RBM20: variants seen among roughly 807,000 people sequenced by gnomAD.
The protein encoded by RBM20 is RNA binding motif protein 20.
RBM20 carries 51 observed loss-of-function variants against 110.1 expected under a neutral mutation model. The observed-to-expected ratio is 0.46, with a 90% CI of 0.37 to 0.59. The LOEUF is 0.59. Ranked by LOEUF, RBM20 falls within the 20% of genes least tolerant of loss-of-function variation. The pLI, the probability that RBM20 is intolerant of heterozygous loss-of-function variation, is 0.00. For missense variants in RBM20, 1,512 were observed against 1,574.9 expected (o/e 0.96, Z 0.68); for synonymous variants, 589 against 618.2 (o/e 0.95, Z 0.70).
intron 3 of RBM20, 121 bp downstream of exon 3, chr10:110,783,548 G>A (rs1844381285): frequency 1.4e-6 from 1 of 702,888 alleles, no homozygotes; most frequent in Non-Finnish European, 2.4e-6. Context: ...AACAGGCAAA[G>A]TTCCTGCCCT....
intron 1 of RBM20, 64 bp from the exon 2 acceptor site, chr10:110,780,737 A>G: frequency 6.9e-7 from 1 of 1,451,860 alleles, no homozygotes; most frequent in Non-Finnish European, 9.1e-7. Context: ...CAGATAACAA[A>G]GAACAGCCCC....
intron 1 of RBM20, among the ~76,000 whole-genome samples, chr10:110,708,360 TG>T (rs749238755): frequency 6.6e-6 from 1 of 152,248 alleles, no homozygotes; most frequent in South Asian, 2.1e-4. Flanking sequence ...TTTATCAGAT[TG>T]TTTTTTTCTG....
intron 4 of RBM20, 114 bp downstream of exon 4, chr10:110,784,546 A>G (rs1844396746): frequency 2.4e-6 from 2 of 842,686 alleles, no homozygotes; most frequent in Non-Finnish European, 2.0e-6. Flanking sequence ...TCACGGATGT[A>G]GAAAGCAAAC....
chr10:110,665,420 T>C (rs12358914), intron 1 of RBM20, among the ~76,000 whole-genome samples: 32,219 of 152,094 alleles, frequency 0.21, 3,497 homozygotes, highest in East Asian at 0.29. Context: ...ATACAAGGGA[T>C]GCAGGAACAT....
chr10:110,784,578 C>A (rs1564845388), intron 4 of RBM20, 146 bp downstream of exon 4: 1 of 733,410 alleles, frequency 1.4e-6, no homozygotes, highest in Non-Finnish European at 2.4e-6. Context: ...CACTAAAATG[C>A]ATTGGGCCTG....
At chr10:110,701,388 A>G (rs1862756092) in intron 1 of RBM20, among the ~76,000 whole-genome samples, 2 of 152,020 alleles carry the variant, frequency 1.3e-5, no homozygotes, top group Admixed American at 6.6e-5. Flanking sequence ...ACTCCCTGGT[A>G]CTGATTCTCC....
chr10:110,722,413 A>G (rs1843519162), intron 1 of RBM20, among the ~76,000 whole-genome samples: 1 of 152,016 alleles, frequency 6.6e-6, no homozygotes, highest in East Asian at 1.9e-4. Context: ...AACCTGCATG[A>G]AGCATTGTGA....
chr10:110,645,070 C>G (rs537354299), intron 1 of RBM20, among the ~76,000 whole-genome samples: 2 of 152,220 alleles, frequency 1.3e-5, no homozygotes, highest in African/African-American at 4.8e-5. Context: ...TCATGGTGCC[C>G]CTGAAACCAA....
At chr10:110,698,211 G>T (rs1862697287) in intron 1 of RBM20, among the ~76,000 whole-genome samples, 1 of 151,794 alleles carries the variant, frequency 6.6e-6, no homozygotes, top group South Asian at 2.1e-4. Flanking sequence ...CCCGGCCCTT[G>T]TTTCTTATAT....
intron 7 of RBM20, among the ~76,000 whole-genome samples, chr10:110,806,116 A>G (rs1844691002): frequency 6.6e-6 from 1 of 151,980 alleles, no homozygotes; most frequent in Non-Finnish European, 1.5e-5. Context: ...AAAAATACAA[A>G]AATTAGCCAG....
chr10:110,644,672 C>G lies in RBM20; in HGVS notation c.191+27C>G. The G allele has an allele frequency of 2.1e-6, 3 of 1,442,116 alleles. No individual in the cohort carries two copies. Among genetic ancestry groups the G allele is most frequent in the Non-Finnish European group, 2.7e-6 (3 of 1,096,070 alleles). The allele number at this position is 1,442,116 out of a possible 1,614,324, so 89.3% of individuals were successfully genotyped here. A position where few individuals can be genotyped will look rare whatever the true frequency, so the allele number is the denominator to read the frequency against. ...TAAGAAGGGAGAAGGGAACAGGGAC[C>G]ACGGGTGCGCCTGGGGACACGCCCC... On this transcript the variant is annotated intron_variant, in intron 1 of 13. Coordinates refer to ENST00000369519, the MANE Select transcript of RBM20 (RefSeq NM_001134363.3). This position sits in a 1 kb window ranked among gnomAD's most constrained non-coding sequence, Gnocchi z 4.3.
intron 1 of RBM20, among the ~76,000 whole-genome samples, chr10:110,732,391 G>A (rs1843628699): frequency 6.6e-6 from 1 of 152,072 alleles, no homozygotes; most frequent in African/African-American, 2.4e-5. Flanking sequence ...CTTCCTCTCA[G>A]ATTCCTTTTA....
chr10:110,805,895 C>T lies in RBM20; in HGVS notation c.1801-4488C>T, dbSNP rs78273489. ...TGGATGTAAAGATAACAATGTCTGACGTTTGCTTCAAAATAATATAGGGGG... is the reference window on the plus strand; with the variant it reads ...TGGATGTAAAGATAACAATGTCTGATGTTTGCTTCAAAATAATATAGGGGG... On this transcript the variant is annotated intron_variant, in intron 7 of 13. Transcript: ENST00000369519. Among the ~76,000 whole-genome samples the T allele has an allele frequency of 4.9e-3, 744 of 152,266 alleles. 6 individuals are homozygous for T. The highest frequency in any genetic ancestry group is 0.017 in the African/African-American group (719 of 41,540).
chr10:110,675,424 G>A (rs1367702133), intron 1 of RBM20, among the ~76,000 whole-genome samples: 1 of 152,082 alleles, frequency 6.6e-6, no homozygotes, highest in Non-Finnish European at 1.5e-5. Flanking sequence ...CTTATAATGT[G>A]GTTCTGAGGA....
intron 1 of RBM20, among the ~76,000 whole-genome samples, chr10:110,667,726 A>G (rs1335890234): frequency 2.0e-5 from 3 of 152,146 alleles, no homozygotes; most frequent in African/African-American, 7.2e-5. Context: ...ATGACTGGCA[A>G]ATGCACTTGT....
intron 1 of RBM20, among the ~76,000 whole-genome samples, chr10:110,655,583 T>C (rs1862011110): frequency 6.6e-6 from 1 of 152,166 alleles, no homozygotes; most frequent in African/African-American, 2.4e-5. Context: ...GATTAAAGTG[T>C]CCAAGGCTCC....
intron 1 of RBM20, among the ~76,000 whole-genome samples, chr10:110,746,644 A>G (rs1564833312): frequency 6.6e-6 from 1 of 152,220 alleles, no homozygotes; most frequent in Non-Finnish European, 1.5e-5. Flanking sequence ...GATTTTGCAC[A>G]GCTGGATTGG....
chr10:110,794,122 C>T (rs1463145434), intron 5 of RBM20, among the ~76,000 whole-genome samples: 2 of 152,156 alleles, frequency 1.3e-5, no homozygotes, highest in African/African-American at 4.8e-5. Flanking sequence ...TCCCTTTTTC[C>T]CTCATGATTC....
intron 1 of RBM20, among the ~76,000 whole-genome samples, chr10:110,666,210 C>G (rs1282588514): frequency 6.6e-6 from 1 of 152,214 alleles, no homozygotes; most frequent in Non-Finnish European, 1.5e-5. Flanking sequence ...ATATTATTCT[C>G]TCTACCTTTG....
Sources: allele counts gnomAD v4.1 joint callset (sites outside exome capture counted in the v4.1 genomes callset), GRCh38; gene constraint gnomAD v4.1.1; non-coding constraint Gnocchi (gnomAD v3.1); transcripts MANE v1.5; gene names NCBI Gene and HGNC (gene_info 2026-07-23, HGNC 2026-07-21).